Variants in KCNQ1 observed in about 807,000 individuals in gnomAD.
KCNQ1 encodes the protein potassium voltage-gated channel subfamily Q member 1, also known as potassium voltage-gated channel subfamily KQT member 1.
Under a neutral mutation model 72.4 loss-of-function variants are expected in KCNQ1, and 49 were observed. The observed-to-expected ratio is 0.68, with a 90% CI of 0.54 to 0.86. The LOEUF (loss-of-function observed/expected upper bound fraction) is 0.86. Ranked by LOEUF, KCNQ1 falls within the 40% of genes least tolerant of loss-of-function variation. KCNQ1 has a pLI of 0.00. For missense variants in KCNQ1, 790 were observed against 945.1 expected, an observed-to-expected ratio of 0.84 and a Z score of 2.15; for synonymous variants, 450 against 412.6, an observed-to-expected ratio of 1.09 and a Z score of -1.10.
intron 1 of KCNQ1, among the ~76,000 whole-genome samples, chr11:2,524,348 G>T (rs189709090): frequency 6.6e-6 from 1 of 152,338 alleles, no homozygotes; most frequent in Admixed American, 6.5e-5. Flanking sequence ...GAACCAGGCT[G>T]CAGTCCTGTG....
chr11:2,696,707 T>C (rs75414884), intron 11 of KCNQ1: 26,663 of 398,626 alleles, frequency 0.067, 1,039 homozygotes, highest in Middle Eastern at 0.11. Flanking sequence ...TGTCTCTGCA[T>C]ATGGAAAGAT....
chr11:2,646,164 T>C, intron 10 of KCNQ1: 1 of 398,662 alleles, frequency 2.5e-6, no homozygotes, highest in East Asian at 3.6e-5. Flanking sequence ...TCAGAGGCGA[T>C]CTATATAAAC....
intron 11 of KCNQ1, among the ~76,000 whole-genome samples, chr11:2,756,339 A>T (rs941606154): frequency 6.6e-6 from 1 of 152,152 alleles, no homozygotes; most frequent in Non-Finnish European, 1.5e-5. Flanking sequence ...AAACTAATTA[A>T]AGCAAACAAG....
chr11:2,650,427 C>T (rs910267640), intron 10 of KCNQ1: 28 of 398,420 alleles, frequency 7.0e-5, no homozygotes, highest in Middle Eastern at 6.2e-4. Flanking sequence ...TTCCTGTACA[C>T]GCGTCTGTAG....
Position 2,515,861 on chromosome 11 carries a change from G to A in KCNQ1, c.387-12067G>A, listed in dbSNP as rs77307322. ...CTCTGCCGGGCCACCTGCACCCTCCGGGCCCCAGGAGAAGCTCATGCCTTT... is the reference window on the plus strand; with the variant it reads ...CTCTGCCGGGCCACCTGCACCCTCCAGGCCCCAGGAGAAGCTCATGCCTTT... On this transcript the variant is annotated intron_variant, in intron 1 of 15. Coordinates refer to ENST00000155840, the MANE Select transcript of KCNQ1 (RefSeq NM_000218.3). The surrounding 1 kb of genome is among the most constrained non-coding windows in gnomAD (Gnocchi z 4.7). Among the ~76,000 whole-genome samples the A allele has an allele frequency of 0.14, 20,572 of 151,816 alleles. 1,755 individuals are homozygous for A. Among genetic ancestry groups the A allele is most frequent in the East Asian group, 0.41 (2,076 of 5,084 alleles).
chr11:2,580,485 TG>T (rs1377946325), intron 6 of KCNQ1, among the ~76,000 whole-genome samples: 1 of 152,232 alleles, frequency 6.6e-6, no homozygotes, highest in African/African-American at 2.4e-5. Context: ...TATGCATTTT[TG>T]CAAATCTCCA....
rs1849259916 is a variant in KCNQ1, at chr11:2,626,222, G to C, written c.1394-35739G>C. On this transcript the variant is annotated intron_variant, in intron 10 of 15. Transcript: ENST00000155840. The surrounding 1 kb of genome is among the most constrained non-coding windows in gnomAD (Gnocchi z 4.0). ...TTTGACCCATTTTGAGTAAGTTTTT[G>C]TACACAGTGTTAGGTAAGGGTCTCA... 2.5e-6 allele frequency: 1 copy of C among 398,442 alleles called. No homozygotes were observed. Among genetic ancestry groups the C allele is most frequent in the Non-Finnish European group, 4.4e-6 (1 of 226,032 alleles). 24.7% of individuals were successfully genotyped at this position (398,442 alleles called of 1,614,324 possible).
intron 11 of KCNQ1, among the ~76,000 whole-genome samples, chr11:2,718,636 C>T (rs531885417): frequency 5.9e-5 from 9 of 152,264 alleles, no homozygotes; most frequent in Admixed American, 2.6e-4. Context: ...TTTGTGTAGA[C>T]GCATGACTCC....
intron 10 of KCNQ1, among the ~76,000 whole-genome samples, chr11:2,604,729 G>C (rs1848856297): frequency 6.6e-6 from 1 of 151,944 alleles, no homozygotes; most frequent in South Asian, 2.1e-4. Context: ...TATTTTAGTA[G>C]AGACAGGGTT....
intron 11 of KCNQ1, among the ~76,000 whole-genome samples, chr11:2,754,522 GTAGACAAT>G (rs1231898171): frequency 6.6e-6 from 1 of 150,570 alleles, no homozygotes; most frequent in Non-Finnish European, 1.5e-5. Context: ...AGGCACAAGG[GTAGACAAT>G]TAGCCCATTA....
At chr11:2,649,513 A>G (rs1849725545) in intron 10 of KCNQ1, 1 of 398,446 alleles carries the variant, frequency 2.5e-6, no homozygotes, top group Admixed American at 4.4e-5. Context: ...TGAGGGAGGC[A>G]AAATTTCTTC....
chr11:2,565,559 G>GA lies in KCNQ1; in HGVS notation c.478-5068dup, dbSNP rs1387476746. Among the ~76,000 whole-genome samples the GA allele has an allele frequency of 6.6e-6, 1 of 152,186 alleles. No homozygotes were observed. The highest frequency in any genetic ancestry group is 1.5e-5 in the Non-Finnish European group (1 of 68,034). ...TATAACACGCCCCAGGATGGACATG[G>GA]ATTCACACTCATGGTAGAACAGAGC... On this transcript the variant is annotated intron_variant, in intron 2 of 15. Transcript: ENST00000155840. This position sits in a 1 kb window ranked among gnomAD's most constrained non-coding sequence, Gnocchi z 5.6.
At chr11:2,684,676 G>C (rs1397752426) in intron 11 of KCNQ1, 1 of 398,556 alleles carries the variant, frequency 2.5e-6, no homozygotes, top group Non-Finnish European at 4.4e-6. Context: ...TGTGCAGGGA[G>C]CTAGTGGCCA....
rs906293856 is a variant in KCNQ1 at position 2,473,505 on chromosome 11, G to A, written c.386+28021G>A. ...TGTGCTGGGAAATCCAAGGGGCAAGGCCGTTTCCCGTCCTGGTCCGTCGTT... is the reference window on the plus strand; with the variant it reads ...TGTGCTGGGAAATCCAAGGGGCAAGACCGTTTCCCGTCCTGGTCCGTCGTT... On this transcript the variant is annotated intron_variant, in intron 1 of 15. Transcript: ENST00000155840. This position sits in a 1 kb window ranked among gnomAD's most constrained non-coding sequence, Gnocchi z 6.0. 6.6e-5 allele frequency among the ~76,000 whole-genome samples: 10 copies of A among 152,164 alleles called. No homozygotes were observed. The highest frequency in any genetic ancestry group is 2.2e-4 in the African/African-American group (9 of 41,434).
chr11:2,842,105 A>C (rs1217098956), intron 15 of KCNQ1, among the ~76,000 whole-genome samples: 1 of 152,190 alleles, frequency 6.6e-6, no homozygotes, highest in East Asian at 1.9e-4. Flanking sequence ...CCAGGGACAG[A>C]GACAAGGTTG....
In KCNQ1 at chr11:2,674,707, C is replaced by T. The variant is rs536259031; in HGVS notation, c.1514+12626C>T. 5.0e-6 allele frequency: 2 copies of T among 398,408 alleles called. No individual in the cohort carries two copies. Among genetic ancestry groups the T allele is most frequent in the African/African-American group, 4.1e-5 (2 of 48,654 alleles). 24.7% of individuals were successfully genotyped at this position (398,408 alleles called of 1,614,324 possible). ...TTGAACCTTAAACCTTTCCTGATGA[C>T]TCCTTCCTTCTGAACTTAACTCGTT... On this transcript the variant is annotated intron_variant, in intron 11 of 15. Transcript: ENST00000155840. The surrounding 1 kb of genome is among the most constrained non-coding windows in gnomAD (Gnocchi z 5.9).
At chr11:2,560,984 C>G (rs1033433242) in intron 2 of KCNQ1, among the ~76,000 whole-genome samples, 2 of 151,846 alleles carry the variant, frequency 1.3e-5, no homozygotes, top group African/African-American at 4.8e-5. Context: ...GGGCGGATCA[C>G]GAGGTCAGGA....
intron 11 of KCNQ1, chr11:2,697,562 C>G: frequency 2.5e-6 from 1 of 398,610 alleles, no homozygotes; most frequent in Non-Finnish European, 4.4e-6. Flanking sequence ...GTGTACTCCA[C>G]TACCCCAAAA....
chr11:2,741,182 C>T (rs778570944), intron 11 of KCNQ1, among the ~76,000 whole-genome samples: 21 of 152,102 alleles, frequency 1.4e-4, no homozygotes, highest in Non-Finnish European at 2.8e-4. Flanking sequence ...CAGAGTGTCT[C>T]AGGGTGGCCT....
Sources: allele counts gnomAD v4.1 joint callset (sites outside exome capture counted in the v4.1 genomes callset), GRCh38; gene constraint gnomAD v4.1.1; non-coding constraint Gnocchi (gnomAD v3.1); transcripts MANE v1.5; gene names NCBI Gene and HGNC (gene_info 2026-07-23, HGNC 2026-07-21).